The following TAFA5 variants were observed in gnomAD, a reference collection of about 807,000 sequenced individuals.
TAFA5 encodes the protein chemokine-like protein TAFA-5.
In TAFA5, 6 loss-of-function variants were observed where a neutral mutation model predicts 15.3. That is an observed-to-expected ratio of 0.39 (90% CI 0.21 to 0.77). The LOEUF (loss-of-function observed/expected upper bound fraction) is 0.77, where lower values mean the gene tolerates loss of function less well. TAFA5 is among the 30% of genes least tolerant of loss of function. The pLI is 0.41. For synonymous variants in TAFA5, 103 were observed against 80.7 expected, an observed-to-expected ratio of 1.28 and a Z score of -1.48; for missense variants, 161 against 193.1, an observed-to-expected ratio of 0.83 and a Z score of 0.98.
chr22:48,682,041 C>T lies in TAFA5; in HGVS notation c.263-25676C>T, dbSNP rs563285540. 6.7e-4 allele frequency among the ~76,000 whole-genome samples: 38 copies of T among 56,620 alleles called. 11 individuals carry two copies. The South Asian group carries it at 0.021, about 31-fold the overall frequency. The allele number at this position is 56,620 out of a possible 152,430, so 37.1% of individuals were successfully genotyped here. ...GCCTGAGGCTGCGGCTCCCCAAGGCCGTCCTCAGCTTCCCATCGATCCCAT... is the reference window on the plus strand; with the variant it reads ...GCCTGAGGCTGCGGCTCCCCAAGGCTGTCCTCAGCTTCCCATCGATCCCAT... On this transcript the variant is annotated intron_variant, in intron 2 of 3. Transcript: ENST00000402357.
At chr22:48,718,251 C>T (rs560322312) in intron 3 of TAFA5, among the ~76,000 whole-genome samples, 1 of 152,328 alleles carries the variant, frequency 6.6e-6, no homozygotes, top group Admixed American at 6.5e-5. Context: ...CCCTGCACAG[C>T]AGACACTGGG....
chr22:48,715,219 G>A (rs772130681), intron 3 of TAFA5, among the ~76,000 whole-genome samples: 1 of 152,246 alleles, frequency 6.6e-6, no homozygotes, highest in Non-Finnish European at 1.5e-5. Context: ...GGGCCCTTCT[G>A]TGAAGCCCAC....
At chr22:48,690,711 T>C (rs1928513116) in intron 2 of TAFA5, among the ~76,000 whole-genome samples, 1 of 152,224 alleles carries the variant, frequency 6.6e-6, no homozygotes, top group Non-Finnish European at 1.5e-5. Flanking sequence ...ATCAGAGCTC[T>C]TGGGGACAGG....
chr22:48,580,760 C>T (rs1157790905), intron 1 of TAFA5, among the ~76,000 whole-genome samples: 1 of 152,226 alleles, frequency 6.6e-6, no homozygotes, highest in East Asian at 1.9e-4. Flanking sequence ...GGGGCTGCCC[C>T]GGCCGCCAGG....
At chr22:48,515,512 C>T (rs1921372652) in intron 1 of TAFA5, among the ~76,000 whole-genome samples, 1 of 152,188 alleles carries the variant, frequency 6.6e-6, no homozygotes, top group Admixed American at 6.5e-5. Flanking sequence ...TCCACCCTGG[C>T]CTCCTTTCCC....
At chr22:48,557,955 G>A (rs1569024919) in intron 1 of TAFA5, among the ~76,000 whole-genome samples, 3 of 152,244 alleles carry the variant, frequency 2.0e-5, no homozygotes. Flanking sequence ...CCTTTCCCAT[G>A]AGACAAGTTG....
At position 48,707,604 on chromosome 22, in the gene TAFA5, C is replaced by T. The variant is rs908932454; in HGVS notation, c.263-113C>T. 7.6e-6 allele frequency: 10 copies of T among 1,322,818 alleles called. No homozygotes were observed. In the African/African-American group the frequency reaches 1.5e-4, roughly 19 times the overall value. The allele number at this position is 1,322,818 out of a possible 1,614,324, so 81.9% of individuals were successfully genotyped here. ...GTGAGGGTCCCTGGGTGGAGCCACG[C>T]CGGGCATTGCCTGAGGGCCCCCCCA... On this transcript the variant is annotated intron_variant, in intron 2 of 3. Coordinates refer to ENST00000402357, the MANE Select transcript of TAFA5 (RefSeq NM_001082967.3).
In TAFA5 at chr22:48,743,634, G is replaced by A. The variant is rs548681361; in HGVS notation, c.391-6205G>A. On this transcript the variant is annotated intron_variant, in intron 3 of 3. Transcript: ENST00000402357. Reference sequence around the variant, plus strand: ...GGGCTGCCAGGTGCGTCCTCATTCCGGCGTACCACGGCCAGGAGCGGACTG... The same window carrying A: ...GGGCTGCCAGGTGCGTCCTCATTCCAGCGTACCACGGCCAGGAGCGGACTG... 3.3e-5 allele frequency among the ~76,000 whole-genome samples: 5 copies of A among 152,296 alleles called. No homozygotes were observed. In the South Asian group the frequency reaches 8.3e-4, roughly 25 times the overall value.
chr22:48,578,723 G>C (rs984841495), intron 1 of TAFA5, among the ~76,000 whole-genome samples: 1 of 152,216 alleles, frequency 6.6e-6, no homozygotes, highest in East Asian at 1.9e-4. Context: ...TCACCACCCT[G>C]GGTTGAGCCC....
At chr22:48,729,328 TTTA>T (rs1455855789) in intron 3 of TAFA5, among the ~76,000 whole-genome samples, 2 of 103,744 alleles carry the variant, frequency 1.9e-5, no homozygotes, top group African/African-American at 3.2e-5. Flanking sequence ...TATTTTTATA[TTTA>T]TTTGTAAATA....
chr22:48,516,502 C>T (rs540396739), intron 1 of TAFA5, among the ~76,000 whole-genome samples: 20 of 152,362 alleles, frequency 1.3e-4, no homozygotes, highest in South Asian at 4.1e-4. Flanking sequence ...CCCCAACTCT[C>T]GGCAGGAGCT....
chr22:48,675,281 G>T (rs1927937089), intron 2 of TAFA5, among the ~76,000 whole-genome samples: 1 of 152,238 alleles, frequency 6.6e-6, no homozygotes, highest in African/African-American at 2.4e-5. Context: ...GATCAACATG[G>T]GTATTGCCAA....
chr22:48,587,590 C>T (rs1245547752), intron 1 of TAFA5, among the ~76,000 whole-genome samples: 1 of 152,164 alleles, frequency 6.6e-6, no homozygotes, highest in African/African-American at 2.4e-5. Flanking sequence ...TGGAGGGTCC[C>T]AGGGTAGCCG....
chr22:48,749,979 C>A lies in TAFA5; in HGVS notation c.*132C>A. 1 of 900,358 alleles carries A rather than the reference C, an allele frequency of 1.1e-6. No individual in the cohort carries two copies. The highest frequency in any genetic ancestry group is 1.7e-6 in the Non-Finnish European group (1 of 577,196). 55.8% of individuals were successfully genotyped at this position (900,358 alleles called of 1,614,324 possible). Reference sequence around the variant, plus strand: ...CCGCCCACTCCGTTTCCCTGTGGTCCGTGAAGGACGGCCTCAGGCCTTGGC... The same window carrying A: ...CCGCCCACTCCGTTTCCCTGTGGTCAGTGAAGGACGGCCTCAGGCCTTGGC... On this transcript the variant is annotated 3_prime_UTR_variant, in exon 4 of 4. Coordinates refer to ENST00000402357, the MANE Select transcript of TAFA5 (RefSeq NM_001082967.3).
At chr22:48,715,658 C>T (rs1929381446) in intron 3 of TAFA5, among the ~76,000 whole-genome samples, 1 of 152,204 alleles carries the variant, frequency 6.6e-6, no homozygotes, top group Admixed American at 6.5e-5. Context: ...TACCCCAAGC[C>T]TGTCCTGCTG....
At chr22:48,518,664 C>T (rs890183845) in intron 1 of TAFA5, among the ~76,000 whole-genome samples, 1 of 151,946 alleles carries the variant, frequency 6.6e-6, no homozygotes, top group African/African-American at 2.4e-5. Context: ...GAGGGCTGAC[C>T]GAGGGGAGCC....
At chr22:48,579,067 G>A (rs1405975495) in intron 1 of TAFA5, among the ~76,000 whole-genome samples, 2 of 152,218 alleles carry the variant, frequency 1.3e-5, no homozygotes. Context: ...GGGGACCCAG[G>A]GAGCCGTTTT....
chr22:48,520,996 T>C (rs1921582092), intron 1 of TAFA5, among the ~76,000 whole-genome samples: 1 of 152,180 alleles, frequency 6.6e-6, no homozygotes. Context: ...GAGTTCTGCC[T>C]GTGTTCAAAA....
chr22:48,637,638 T>A (rs148875121), intron 1 of TAFA5, among the ~76,000 whole-genome samples: 404 of 152,140 alleles, frequency 2.7e-3, no homozygotes, highest in African/African-American at 9.4e-3. Context: ...TGTAATGAAA[T>A]CCCGCACCCT....
Sources: allele counts gnomAD v4.1 joint callset (sites outside exome capture counted in the v4.1 genomes callset), GRCh38; gene constraint gnomAD v4.1.1; transcripts MANE v1.5; gene names NCBI Gene and HGNC (gene_info 2026-07-23, HGNC 2026-07-21).